SMIM13: variants seen among roughly 807,000 people sequenced by gnomAD.
The protein encoded by SMIM13 is small integral membrane protein 13.
In SMIM13, 3 loss-of-function variants were observed where a neutral mutation model predicts 5.9. That is an observed-to-expected ratio of 0.51 (90% CI 0.23 to 1.31). The LOEUF (loss-of-function observed/expected upper bound fraction) is 1.31. Ranked by LOEUF, SMIM13 falls within the 40% of genes most tolerant of loss-of-function variation. The pLI, the probability that SMIM13 is intolerant of heterozygous loss-of-function variation, is 0.18. For missense variants in SMIM13, 85 were observed against 109.9 expected (o/e 0.77, Z 1.01); for synonymous variants, 55 against 46.0 (o/e 1.19, Z -0.79).
At chr6:11,097,723 G>A (rs1403684805) in intron 1 of SMIM13, among the ~76,000 whole-genome samples, 1 of 151,900 alleles carries the variant, frequency 6.6e-6, no homozygotes, top group East Asian at 1.9e-4. Context: ...CTGGGGGTTA[G>A]GATTTCAACA....
chr6:11,123,898 C>T (rs535934727), intron 1 of SMIM13, among the ~76,000 whole-genome samples: 13 of 152,064 alleles, frequency 8.5e-5, no homozygotes, highest in South Asian at 2.1e-4. Flanking sequence ...ATAGTAGGTA[C>T]ATATATGGGG....
At chr6:11,103,680 T>C in intron 1 of SMIM13, 4 of 1,544,636 alleles carry the variant, frequency 2.6e-6, no homozygotes, top group Non-Finnish European at 3.5e-6. Flanking sequence ...TAGCGAGCAG[T>C]CTAGGGGTCC....
chr6:11,107,696 A>G (rs1016321693), intron 1 of SMIM13, among the ~76,000 whole-genome samples: 1 of 152,200 alleles, frequency 6.6e-6, no homozygotes, highest in African/African-American at 2.4e-5. Flanking sequence ...TGAGTTGGGG[A>G]TCATTGGGTG....
chr6:11,099,367 G>A (rs2113637780), intron 1 of SMIM13, among the ~76,000 whole-genome samples: 1 of 152,248 alleles, frequency 6.6e-6, no homozygotes. Context: ...TAGCGATGGG[G>A]TTTCACCATG....
intron 1 of SMIM13, chr6:11,104,236 C>T (rs55714642): frequency 0.018 from 27,723 of 1,551,590 alleles, 320 homozygotes; most frequent in Non-Finnish European, 0.022. Flanking sequence ...CCGAGTCCCG[C>T]GAGAAGGGGA....
At chr6:11,107,333 T>C (rs1379338949) in intron 1 of SMIM13, among the ~76,000 whole-genome samples, 1 of 152,224 alleles carries the variant, frequency 6.6e-6, no homozygotes. Context: ...TCAGACACGT[T>C]GTATTCTCTG....
intron 1 of SMIM13, among the ~76,000 whole-genome samples, chr6:11,110,666 AC>A (rs1758153549): frequency 6.6e-6 from 1 of 152,214 alleles, no homozygotes; most frequent in Non-Finnish European, 1.5e-5. Context: ...TCCCTCTGCT[AC>A]AGGAGAAAGC....
chr6:11,129,271 G>A (rs1758420755), intron 1 of SMIM13, among the ~76,000 whole-genome samples: 2 of 152,194 alleles, frequency 1.3e-5, no homozygotes, highest in Admixed American at 1.3e-4. Flanking sequence ...AGATGAGTGA[G>A]ATGATGTGAT....
At chr6:11,104,439 C>T (rs1340279859) in intron 1 of SMIM13, 4 of 1,551,664 alleles carry the variant, frequency 2.6e-6, no homozygotes. Flanking sequence ...AGTTTTAAGG[C>T]ATGTAGAGAT....
At chr6:11,099,445 T>C (rs989493771) in intron 1 of SMIM13, among the ~76,000 whole-genome samples, 14 of 152,148 alleles carry the variant, frequency 9.2e-5, no homozygotes, top group African/African-American at 3.4e-4. Flanking sequence ...AGTGCTGGGA[T>C]TACAGGTGTG....
Position 11,096,972 on chromosome 6 carries a change from T to C in SMIM13, c.76+2583T>C, listed in dbSNP as rs183416689. On this transcript the variant is annotated intron_variant, in intron 1 of 1. Transcript: ENST00000416247. ...TCCCAAAGTGCTGGGATTACAGGCGTGAGCCACAGTGCCCGTCCCCAGTGC... is the reference window on the plus strand; with the variant it reads ...TCCCAAAGTGCTGGGATTACAGGCGCGAGCCACAGTGCCCGTCCCCAGTGC... Among the ~76,000 whole-genome samples the C allele has an allele frequency of 5.9e-3, 897 of 152,332 alleles. 3 individuals are homozygous for C. Among genetic ancestry groups the C allele is most frequent in the South Asian group, 0.024 (116 of 4,828 alleles).
chr6:11,104,540 T>G, intron 1 of SMIM13: 1 of 1,585,156 alleles, frequency 6.3e-7, no homozygotes, highest in African/African-American at 1.3e-5. Flanking sequence ...TCATGCCTGC[T>G]AAGACTTGGA....
chr6:11,099,144 C>G (rs1757960850), intron 1 of SMIM13, among the ~76,000 whole-genome samples: 1 of 152,090 alleles, frequency 6.6e-6, no homozygotes, highest in Admixed American at 6.6e-5. Context: ...TTCTCTAACT[C>G]TTATGTCTCT....
At position 11,093,916 on chromosome 6, in the gene SMIM13, G is replaced by A. The variant is rs1757885487; in HGVS notation, c.-398G>A. 6.6e-6 allele frequency: 1 copy of A among 152,304 alleles called. No individual in the cohort carries two copies. Among genetic ancestry groups the A allele is most frequent in the Non-Finnish European group, 1.5e-5 (1 of 68,094 alleles). 9.4% of individuals were successfully genotyped at this position (152,304 alleles called of 1,614,324 possible). Reference sequence around the variant, plus strand: ...CAGAGACACGGGTGGACAGCGACGAGGGCCTTGTGGCCGCCGTGTGTACCC... The same window carrying A: ...CAGAGACACGGGTGGACAGCGACGAAGGCCTTGTGGCCGCCGTGTGTACCC... On this transcript the variant is annotated 5_prime_UTR_variant, in exon 1 of 2. Coordinates refer to ENST00000416247, the MANE Select transcript of SMIM13 (RefSeq NM_001135575.2).
chr6:11,129,424 A>G (rs1349771516), intron 1 of SMIM13, among the ~76,000 whole-genome samples: 1 of 152,160 alleles, frequency 6.6e-6, no homozygotes, highest in Non-Finnish European at 1.5e-5. Flanking sequence ...TTATCCATTC[A>G]TCCATTGCTG....
At chr6:11,122,449 C>T (rs1400333526) in intron 1 of SMIM13, among the ~76,000 whole-genome samples, 1 of 152,210 alleles carries the variant, frequency 6.6e-6, no homozygotes, top group East Asian at 1.9e-4. Context: ...TTCCTCTGCC[C>T]TAGAGGTGGA....
intron 1 of SMIM13, among the ~76,000 whole-genome samples, chr6:11,125,996 T>C (rs1561759451): frequency 6.6e-6 from 1 of 152,222 alleles, no homozygotes; most frequent in Admixed American, 6.5e-5. Flanking sequence ...CTAGATCTTA[T>C]AGATGTACTT....
chr6:11,125,002 G>T (rs563846017), intron 1 of SMIM13, among the ~76,000 whole-genome samples: 15 of 152,330 alleles, frequency 9.8e-5, no homozygotes, highest in African/African-American at 3.6e-4. Context: ...CCATGGCCGG[G>T]CGTGGTGGCT....
At chr6:11,100,753 C>T (rs1002410426) in intron 1 of SMIM13, among the ~76,000 whole-genome samples, 7 of 152,100 alleles carry the variant, frequency 4.6e-5, no homozygotes, top group Non-Finnish European at 5.9e-5. Flanking sequence ...TATAGATTTT[C>T]ACCCAAAATT....
Sources: gnomAD v4.1 joint callset for allele counts (sites outside exome capture counted in the v4.1 genomes callset) on GRCh38, gnomAD v4.1.1 for gene constraint, MANE v1.5 for transcripts, NCBI Gene and HGNC (gene_info 2026-07-23, HGNC 2026-07-21) for gene names.